The following FAM168B variants were observed in gnomAD, a reference collection of about 807,000 sequenced individuals.
The protein encoded by FAM168B is myelin-associated neurite-outgrowth inhibitor.
Under a neutral mutation model 21.8 loss-of-function variants are expected in FAM168B, and 19 were observed. That is an observed-to-expected ratio of 0.87 (90% CI 0.61 to 1.28). The LOEUF (loss-of-function observed/expected upper bound fraction) is 1.28. Ranked by LOEUF, FAM168B falls within the 50% of genes most tolerant of loss-of-function variation. The pLI, the probability that FAM168B is intolerant of heterozygous loss-of-function variation, is 0.00. For synonymous variants in FAM168B, 126 were observed against 104.8 expected, an observed-to-expected ratio of 1.20 and a Z score of -1.24; for missense variants, 233 against 263.1, an observed-to-expected ratio of 0.89 and a Z score of 0.79.
chr2:131,062,968 GACC>G (rs1339032138), intron 3 of FAM168B, among the ~76,000 whole-genome samples: 3 of 152,196 alleles, frequency 2.0e-5, no homozygotes, highest in African/African-American at 7.2e-5. Context: ...ATATACTGAG[GACC>G]ACAACTTACT....
In FAM168B at chr2:131,049,409, G is replaced by A; in HGVS notation, c.*3056C>T. 1.0e-6 allele frequency: 1 copy of A among 985,374 alleles called. No individual in the cohort carries two copies. Among genetic ancestry groups the A allele is most frequent in the Non-Finnish European group, 1.2e-6 (1 of 829,896 alleles). The allele number at this position is 985,374 out of a possible 1,614,324, so 61.0% of individuals were successfully genotyped here. A position where few individuals can be genotyped will look rare whatever the true frequency, so the allele number is the denominator to read the frequency against. ...CAGGTAGGCCTACAAACCACACCAAGAAGAACGTTCTTAACAGATGGCTCA... is the reference window on the plus strand; with the variant it reads ...CAGGTAGGCCTACAAACCACACCAAAAAGAACGTTCTTAACAGATGGCTCA... On this transcript the variant is annotated 3_prime_UTR_variant, in exon 7 of 7. Coordinates refer to ENST00000389915, the MANE Select transcript of FAM168B (RefSeq NM_001009993.4).
At chr2:131,070,404 T>C (rs1003766370) in intron 3 of FAM168B, among the ~76,000 whole-genome samples, 1 of 152,174 alleles carries the variant, frequency 6.6e-6, no homozygotes, top group African/African-American at 2.4e-5. Flanking sequence ...CACCAAGTGT[T>C]GTTAAGGATG....
At chr2:131,077,889 G>C (rs1295921079) in intron 2 of FAM168B, among the ~76,000 whole-genome samples, 1 of 152,140 alleles carries the variant, frequency 6.6e-6, no homozygotes, top group Non-Finnish European at 1.5e-5. Context: ...CAAAGATCAG[G>C]GTACGGATCC....
rs758901455 is a variant in FAM168B, at chr2:131,055,352, T to C, written c.395A>G (p.Tyr132Cys). The C allele has an allele frequency of 1.6e-5, 26 of 1,595,932 alleles. No individual in the cohort carries two copies. In the African/African-American group the frequency reaches 2.9e-4, roughly 18 times the overall value. ...VQPNGMPATV[Y>C]PAPIPPPRGN... ...TCTAGGAGGGGGGATGGGAGCAGGG[T>C]ACACCGTTGCAGGCATGCCGTTGGG... The change falls in exon 5 of 7, where the codon TAC (tyrosine) becomes TGC (cysteine). Residue 132 changes from tyrosine to cysteine, a missense_variant. Coordinates refer to ENST00000389915, the MANE Select transcript of FAM168B (RefSeq NM_001009993.4).
intron 3 of FAM168B, among the ~76,000 whole-genome samples, chr2:131,059,574 AGAT>A (rs1353438165): frequency 6.6e-6 from 1 of 152,230 alleles, no homozygotes; most frequent in African/African-American, 2.4e-5. Context: ...TATCTGACCA[AGAT>A]GATATTTTTT....
At position 131,058,390 on chromosome 2, in the gene FAM168B, G is replaced by A. The variant is rs566302250; in HGVS notation, c.155-2695C>T. The stretch of plus-strand genomic sequence containing the variant: ...ATGGTCTCACGGTGGGAGGTGCTGT[G>A]GCTGAGATCTGCAGCAGACCAAACA... On this transcript the variant is annotated intron_variant, in intron 3 of 6. Transcript: ENST00000389915. 2.0e-5 allele frequency among the ~76,000 whole-genome samples: 3 copies of A among 152,136 alleles called. No homozygotes were observed. The South Asian group carries it at 6.2e-4, about 32-fold the overall frequency.
At chr2:131,090,193 C>T (rs374278404) in intron 1 of FAM168B, among the ~76,000 whole-genome samples, 3 of 148,330 alleles carry the variant, frequency 2.0e-5, no homozygotes, top group African/African-American at 7.5e-5. Flanking sequence ...CGGTGGCAGG[C>T]GCCTGTACCC....
At position 131,050,051 on chromosome 2, in the gene FAM168B, T is replaced by G; in HGVS notation, c.*2414A>C. Reference sequence around the variant, plus strand: ...CAATGCAAACTTATTTCATAAAGCCTCTCAACTTCATAAAAGGGAAAAAAG... The same window carrying G: ...CAATGCAAACTTATTTCATAAAGCCGCTCAACTTCATAAAAGGGAAAAAAG... On this transcript the variant is annotated 3_prime_UTR_variant, in exon 7 of 7. Coordinates refer to ENST00000389915, the MANE Select transcript of FAM168B (RefSeq NM_001009993.4). 1 of 985,464 alleles carries G rather than the reference T, an allele frequency of 1.0e-6. No individual in the cohort carries two copies. The highest frequency in any genetic ancestry group is 1.2e-6 in the Non-Finnish European group (1 of 829,934). 61.0% of individuals were successfully genotyped at this position (985,464 alleles called of 1,614,324 possible).
In FAM168B at chr2:131,062,292, T is replaced by C. The variant is rs188724351; in HGVS notation, c.155-6597A>G. Among the ~76,000 whole-genome samples the C allele has an allele frequency of 1.3e-3, 202 of 152,324 alleles. 3 individuals are homozygous for C. The highest frequency in any genetic ancestry group is 4.6e-3 in the African/African-American group (190 of 41,584). On this transcript the variant is annotated intron_variant, in intron 3 of 6. Transcript: ENST00000389915. ...TGCTCATCTGGCCCACCACAGCCAC[T>C]GAAAAAAGGTGAAGTCCTTTTTCAT...
intron 1 of FAM168B, among the ~76,000 whole-genome samples, chr2:131,087,302 C>CAGTAA (rs1693759607): frequency 6.6e-6 from 1 of 152,152 alleles, no homozygotes; most frequent in East Asian, 1.9e-4. Flanking sequence ...AACCCCATCT[C>CAGTAA]TACTAAAAAT....
chr2:131,068,711 G>A (rs1480612682), intron 3 of FAM168B, among the ~76,000 whole-genome samples: 1 of 152,144 alleles, frequency 6.6e-6, no homozygotes, highest in East Asian at 1.9e-4. Flanking sequence ...AGAAAGGAGA[G>A]ATGTTCGAGA....
At chr2:131,053,317 G>A (rs542904150) in intron 5 of FAM168B, among the ~76,000 whole-genome samples, 2 of 152,158 alleles carry the variant, frequency 1.3e-5, no homozygotes, top group Non-Finnish European at 2.9e-5. Flanking sequence ...GCCTTAACAA[G>A]GAAGGAGATT....
intron 1 of FAM168B, among the ~76,000 whole-genome samples, chr2:131,090,452 A>G (rs953879613): frequency 3.3e-5 from 5 of 152,194 alleles, no homozygotes; most frequent in African/African-American, 1.2e-4. Flanking sequence ...CGAGGCCTTT[A>G]AAATTTTATA....
intron 2 of FAM168B, among the ~76,000 whole-genome samples, chr2:131,072,343 T>C (rs1005330761): frequency 1.3e-5 from 2 of 151,972 alleles, no homozygotes; most frequent in African/African-American, 4.8e-5. Flanking sequence ...AGGCTGGTCT[T>C]GAACTCCTGA....
intron 1 of FAM168B, among the ~76,000 whole-genome samples, chr2:131,087,143 G>A (rs1196276187): frequency 1.3e-5 from 2 of 151,554 alleles, no homozygotes; most frequent in Non-Finnish European, 2.9e-5. Context: ...AAATTCTGTG[G>A]AGGAGGGAAG....
rs539723280 is a variant in FAM168B, at chr2:131,088,959, G to A, written c.-12+4255C>T. Reference sequence around the variant, plus strand: ...CCAAACCCAAGGCTGGATCTAGAGCGTACCACTTTTTTTTTTTTTTTTTGA... The same window carrying A: ...CCAAACCCAAGGCTGGATCTAGAGCATACCACTTTTTTTTTTTTTTTTTGA... On this transcript the variant is annotated intron_variant, in intron 1 of 6. Coordinates refer to ENST00000389915, the MANE Select transcript of FAM168B (RefSeq NM_001009993.4). Among the ~76,000 whole-genome samples, 30 of 145,082 alleles carry A rather than the reference G, an allele frequency of 2.1e-4. No homozygotes were observed. In the South Asian group the frequency reaches 4.8e-3, roughly 23 times the overall value.
At position 131,048,323 on chromosome 2, in the gene FAM168B, A is replaced by G. The variant is rs756077823; in HGVS notation, c.*4142T>C. On this transcript the variant is annotated 3_prime_UTR_variant, in exon 7 of 7. Transcript: ENST00000389915. ...CCAGCTGCCTTGCCCACTGGTCTGCACAGGGACTCATGGGCACAGCCTGTG... is the reference window on the plus strand; with the variant it reads ...CCAGCTGCCTTGCCCACTGGTCTGCGCAGGGACTCATGGGCACAGCCTGTG... 4.7e-5 allele frequency: 61 copies of G among 1,303,794 alleles called. No individual in the cohort carries two copies. In the Admixed American group the frequency reaches 1.4e-3, roughly 30 times the overall value. The allele number at this position is 1,303,794 out of a possible 1,614,324, so 80.8% of individuals were successfully genotyped here.
intron 2 of FAM168B, among the ~76,000 whole-genome samples, chr2:131,080,267 A>G (rs1377402677): frequency 2.0e-5 from 3 of 152,238 alleles, no homozygotes; most frequent in African/African-American, 7.2e-5. Context: ...TTAAAACAGT[A>G]ACGTCTTTTT....
chr2:131,087,271 C>G (rs1268720880), intron 1 of FAM168B, among the ~76,000 whole-genome samples: 1 of 151,956 alleles, frequency 6.6e-6, no homozygotes, highest in Non-Finnish European at 1.5e-5. Context: ...GAGTTGGAGA[C>G]CAGCCTAGCC....
Sources: allele counts gnomAD v4.1 joint callset (sites outside exome capture counted in the v4.1 genomes callset), GRCh38; gene constraint gnomAD v4.1.1; transcripts MANE v1.5; gene names NCBI Gene and HGNC (gene_info 2026-07-23, HGNC 2026-07-21).